AGAP5: variants seen among roughly 807,000 people sequenced by gnomAD.
AGAP5 encodes the protein ArfGAP with GTPase domain, ankyrin repeat and PH domain 5.
In AGAP5, 8 loss-of-function variants were observed where a neutral mutation model predicts 27.7. That is an observed-to-expected ratio of 0.29 (90% CI 0.17 to 0.52). The LOEUF (loss-of-function observed/expected upper bound fraction) is 0.52, where lower values mean the gene tolerates loss of function less well. Ranked by LOEUF, AGAP5 falls within the 20% of genes least tolerant of loss-of-function variation. AGAP5 has a pLI of 0.97. For synonymous variants in AGAP5, 111 were observed against 338.0 expected, an observed-to-expected ratio of 0.33 and a Z score of 7.37; for missense variants, 285 against 880.8, an observed-to-expected ratio of 0.32 and a Z score of 8.56.
intron 4 of AGAP5, among the ~76,000 whole-genome samples, chr10:73,690,592 C>A: frequency 7.1e-6 from 1 of 141,370 alleles, no homozygotes; most frequent in African/African-American, 2.7e-5. Flanking sequence ...GAGAAACACC[C>A]AAGAATGATC....
chr10:73,695,869 ATAT>A (rs1295982200), intron 2 of AGAP5, among the ~76,000 whole-genome samples: 2 of 151,900 alleles, frequency 1.3e-5, no homozygotes, highest in Non-Finnish European at 2.9e-5. Context: ...TTCAAGAACC[ATAT>A]TATTACCCAG....
rs556279579 is a variant in AGAP5 at position 73,685,655 on chromosome 10, C to T, written c.397-2861G>A. ...GCAACCTCTGCCTCCGAGGTTCAAG[C>T]GATTCTCCTGCCTCAGCCACCAGAG... On this transcript the variant is annotated intron_variant, in intron 4 of 7. Coordinates refer to ENST00000374094, the MANE Select transcript of AGAP5 (RefSeq NM_001144000.4). Among the ~76,000 whole-genome samples, 46 of 151,418 alleles carry T rather than the reference C, an allele frequency of 3.0e-4. 1 individual carries two copies. The South Asian group carries it at 8.2e-3, about 27-fold the overall frequency.
intron 7 of AGAP5, 63 bp from the exon 8 acceptor site, chr10:73,676,137 AC>A: frequency 6.2e-7 from 1 of 1,610,162 alleles, no homozygotes; most frequent in East Asian, 2.2e-5. Context: ...GGTCCTATAG[AC>A]AGCTTACAAT....
At chr10:73,691,545 T>A (rs1162087380) in intron 4 of AGAP5, among the ~76,000 whole-genome samples, 1 of 149,664 alleles carries the variant, frequency 6.7e-6, no homozygotes, top group East Asian at 2.0e-4. Flanking sequence ...CAGGCTGGAG[T>A]GCAATGGCGC....
chr10:73,675,044 A>G lies in AGAP5; in HGVS notation c.1616T>C (p.Leu539Pro). Residue 539 changes from leucine (L) to proline (P), a missense_variant, in exon 8 of 8, where the codon CTA (leucine) becomes CCA (proline). By Grantham distance (98) the Leu-to-Pro change is moderately conservative. Transcript: ENST00000374094. ...RKVMSSIGND[L>P]ANSIWEGSSQ... ...GCTCCCTTCCCAGATGCTGTTGGCTAGGTCATTGCCAATAGATGACATAAC... is the reference window on the plus strand; with the variant it reads ...GCTCCCTTCCCAGATGCTGTTGGCTGGGTCATTGCCAATAGATGACATAAC... The G allele has an allele frequency of 6.2e-7, 1 of 1,612,276 alleles. No individual in the cohort carries two copies. The highest frequency in any genetic ancestry group is 8.5e-7 in the Non-Finnish European group (1 of 1,179,698).
chr10:73,685,637 C>G (rs1007915066), intron 4 of AGAP5, among the ~76,000 whole-genome samples: 1 of 151,446 alleles, frequency 6.6e-6, no homozygotes, highest in African/African-American at 2.4e-5. Flanking sequence ...ACTGCAACCT[C>G]TGCCTCCGAG....
chr10:73,678,962 T>C (rs1351610200), intron 6 of AGAP5, among the ~76,000 whole-genome samples: 1 of 151,330 alleles, frequency 6.6e-6, no homozygotes, highest in African/African-American at 2.4e-5. Flanking sequence ...CAAGCGATTC[T>C]CCTGCCTCAG....
rs2081958239 is a variant in AGAP5, at chr10:73,674,409, T to C, written c.*190A>G. The C allele has an allele frequency of 1.1e-6, 1 of 943,948 alleles. No individual in the cohort carries two copies. The highest frequency in any genetic ancestry group is 1.7e-5 in the African/African-American group (1 of 60,132). 58.5% of individuals were successfully genotyped at this position (943,948 alleles called of 1,614,324 possible). Reference sequence around the variant, plus strand: ...AGGGCCTGAGACTAACACATCCACCTTGGCAAAAGGACATAAAATATGTCT... The same window carrying C: ...AGGGCCTGAGACTAACACATCCACCCTGGCAAAAGGACATAAAATATGTCT... On this transcript the variant is annotated 3_prime_UTR_variant, in exon 8 of 8. Transcript: ENST00000374094.
intron 2 of AGAP5, among the ~76,000 whole-genome samples, chr10:73,696,328 C>G (rs1217968991): frequency 6.6e-6 from 1 of 152,124 alleles, no homozygotes; most frequent in East Asian, 1.9e-4. Context: ...AAAACTGTAA[C>G]TTTCTTATCT....
At chr10:73,689,621 G>A (rs1295962264) in intron 4 of AGAP5, among the ~76,000 whole-genome samples, 1 of 151,172 alleles carries the variant, frequency 6.6e-6, no homozygotes, top group Non-Finnish European at 1.5e-5. Context: ...TGAGATGTGG[G>A]GAGCGCCTCT....
chr10:73,680,629 C>T, intron 5 of AGAP5, among the ~76,000 whole-genome samples: 1 of 145,754 alleles, frequency 6.9e-6, no homozygotes, highest in Non-Finnish European at 1.5e-5. Context: ...CTCTTGTTGC[C>T]CAGGCTGGAG....
chr10:73,679,313 C>T (rs1239893172), intron 6 of AGAP5, among the ~76,000 whole-genome samples: 20 of 152,020 alleles, frequency 1.3e-4, no homozygotes, highest in Admixed American at 9.8e-4. Context: ...CAGGTGCGTG[C>T]CACCATGCCC....
chr10:73,690,022 G>A (rs1020641761), intron 4 of AGAP5, among the ~76,000 whole-genome samples: 2 of 151,850 alleles, frequency 1.3e-5, no homozygotes, highest in African/African-American at 2.4e-5. Context: ...CGCCCTGTCC[G>A]GGAGGTGAGG....
chr10:73,687,941 T>C (rs1370339919), intron 4 of AGAP5, among the ~76,000 whole-genome samples: 2 of 152,200 alleles, frequency 1.3e-5, no homozygotes, highest in Non-Finnish European at 2.9e-5. Flanking sequence ...GCAAGCCAGT[T>C]TGTCTTGCAG....
chr10:73,692,633 A>ATTTT (rs71021562), intron 3 of AGAP5, among the ~76,000 whole-genome samples: 8 of 77,006 alleles, frequency 1.0e-4, no homozygotes, highest in South Asian at 4.6e-4. Flanking sequence ...CCTATCTTAA[A>ATTTT]TTTTTTTTTT....
intron 2 of AGAP5, among the ~76,000 whole-genome samples, chr10:73,696,471 C>T (rs1217017949): frequency 6.6e-6 from 1 of 152,238 alleles, no homozygotes; most frequent in East Asian, 1.9e-4. Flanking sequence ...ATTGACATTT[C>T]ATGTCTTTTG....
intron 4 of AGAP5, among the ~76,000 whole-genome samples, chr10:73,686,727 CATCA>C (rs2082067067): frequency 6.6e-6 from 1 of 152,130 alleles, no homozygotes; most frequent in South Asian, 2.1e-4. Context: ...CCCAAATGCC[CATCA>C]ATCAATGAGC....
chr10:73,695,559 G>A (rs1259166866), intron 2 of AGAP5, among the ~76,000 whole-genome samples: 1 of 152,176 alleles, frequency 6.6e-6, no homozygotes, highest in Non-Finnish European at 1.5e-5. Context: ...GTACTTATGT[G>A]CTTTGTGTAT....
In AGAP5 at chr10:73,697,783, T is replaced by G; in HGVS notation, c.-28A>C. 6.3e-7 allele frequency: 1 copy of G among 1,596,944 alleles called. No homozygotes were observed. Among genetic ancestry groups the G allele is most frequent in the Non-Finnish European group, 8.5e-7 (1 of 1,179,396 alleles). ...GGCGCCTCTACTGTCTGCCACCACC[T>G]GTGCCTCTGCTCACAGCTTTGGCCA... On this transcript the variant is annotated 5_prime_UTR_variant, in exon 1 of 8. Coordinates refer to ENST00000374094, the MANE Select transcript of AGAP5 (RefSeq NM_001144000.4).
Sources: allele counts gnomAD v4.1 joint callset (sites outside exome capture counted in the v4.1 genomes callset), GRCh38; gene constraint gnomAD v4.1.1; transcripts MANE v1.5; gene names NCBI Gene and HGNC (gene_info 2026-07-23, HGNC 2026-07-21).